ITIH5: variants seen among roughly 807,000 people sequenced by gnomAD.
ITIH5 encodes the protein inter-alpha-trypsin inhibitor heavy chain H5.
Under a neutral mutation model 77.5 loss-of-function variants are expected in ITIH5, and 65 were observed. That is an observed-to-expected ratio of 0.84 (90% confidence interval 0.69 to 1.03). The LOEUF is 1.03. Among genes scored for constraint, ITIH5 ranks in the 50% least tolerant of loss-of-function variants. The pLI is 0.00. For synonymous variants in ITIH5, 525 were observed against 494.3 expected (o/e 1.06, Z -0.82); for missense variants, 1,208 against 1,213.1 (o/e 1.00, Z 0.06).
chr10:7,578,450 C>T (rs1008672103), intron 9 of ITIH5: 2 of 166,484 alleles, frequency 1.2e-5, no homozygotes, highest in African/African-American at 4.8e-5. Flanking sequence ...TTCTGAATGC[C>T]TTATTGAATT....
chr10:7,659,842 A>G (rs1834246800), intron 1 of ITIH5, among the ~76,000 whole-genome samples: 1 of 152,192 alleles, frequency 6.6e-6, no homozygotes, highest in Non-Finnish European at 1.5e-5. Context: ...TAGGATTGGA[A>G]GTGCAAATGA....
intron 12 of ITIH5, 91 bp from the exon 13 acceptor site, chr10:7,566,498 C>T (rs942463007): frequency 2.1e-5 from 28 of 1,317,370 alleles, no homozygotes; most frequent in Non-Finnish European, 2.8e-5. Context: ...AAGGCCAGGG[C>T]AGGTGGATTG....
chr10:7,566,373 G>T lies in ITIH5; in HGVS notation c.2184C>A (p.Pro728=). Residue 728 remains proline (P), a synonymous_variant, in exon 13 of 14, where the codon CCC becomes CCA. Transcript: ENST00000397146. The part of the protein sequence containing the change: ...VTVNGELIGA[P]APPNGHKKQR... Reference sequence around the variant, plus strand: ...GTTTCTTGTGGCCATTTGGAGGGGCGGGTGCCCCAATTAACTCTCCGTTCA... The same window carrying T: ...GTTTCTTGTGGCCATTTGGAGGGGCTGGTGCCCCAATTAACTCTCCGTTCA... 1 of 1,603,290 alleles carries T rather than the reference G, an allele frequency of 6.2e-7. No individual in the cohort carries two copies. The highest frequency in any genetic ancestry group is 8.5e-7 in the Non-Finnish European group (1 of 1,171,036).
chr10:7,560,407 A>G lies in ITIH5; in HGVS notation c.*2676T>C, dbSNP rs1832019471. ...TTAAATGTTGAATGTTACTCCCTAG[A>G]GAAACACAGAGGTGCCCACTCCGAT... On this transcript the variant is annotated 3_prime_UTR_variant, in exon 14 of 14. Coordinates refer to ENST00000397146, the MANE Select transcript of ITIH5 (RefSeq NM_030569.7). 1 of 152,294 alleles carries G rather than the reference A, an allele frequency of 6.6e-6. No homozygotes were observed. Among genetic ancestry groups the G allele is most frequent in the Non-Finnish European group, 1.5e-5 (1 of 68,084 alleles). The allele number at this position is 152,294 out of a possible 1,614,324, so 9.4% of individuals were successfully genotyped here.
At chr10:7,644,322 C>T (rs935069872) in intron 2 of ITIH5, among the ~76,000 whole-genome samples, 27 of 147,004 alleles carry the variant, frequency 1.8e-4, no homozygotes, top group South Asian at 6.4e-4. Flanking sequence ...ATATATCATA[C>T]ATATCACATA....
chr10:7,580,831 T>C (rs1471606105), intron 8 of ITIH5, among the ~76,000 whole-genome samples: 2 of 152,180 alleles, frequency 1.3e-5, no homozygotes, highest in Non-Finnish European at 2.9e-5. Context: ...CTTCATCGTC[T>C]CTCCTTTCTT....
At chr10:7,660,204 A>G (rs1016917022) in intron 1 of ITIH5, among the ~76,000 whole-genome samples, 2 of 152,244 alleles carry the variant, frequency 1.3e-5, no homozygotes, top group Non-Finnish European at 2.9e-5. Flanking sequence ...ACGAAAGCAC[A>G]ATAGACAAAG....
chr10:7,581,721 C>CTTTTTTTT (rs142992412), intron 8 of ITIH5, among the ~76,000 whole-genome samples: 8 of 101,720 alleles, frequency 7.9e-5, no homozygotes, highest in African/African-American at 1.1e-4. Context: ...TCTTTTCCTT[C>CTTTTTTTT]TTTTTTTTTT....
chr10:7,649,985 G>C (rs905958071), intron 2 of ITIH5, among the ~76,000 whole-genome samples: 1 of 152,122 alleles, frequency 6.6e-6, no homozygotes, highest in African/African-American at 2.4e-5. Context: ...GAAAATAGTG[G>C]TAAAAAAAAT....
At chr10:7,602,666 T>C (rs1219199095) in intron 7 of ITIH5, among the ~76,000 whole-genome samples, 3 of 152,216 alleles carry the variant, frequency 2.0e-5, no homozygotes, top group Non-Finnish European at 4.4e-5. Context: ...CTTTCCTTCA[T>C]AAATTACTCA....
intron 7 of ITIH5, among the ~76,000 whole-genome samples, chr10:7,597,063 A>AAAAAAT (rs750714870): frequency 7.6e-4 from 108 of 142,576 alleles, no homozygotes; most frequent in Non-Finnish European, 9.8e-4. Flanking sequence ...AAAAAAAAAA[A>AAAAAAT]ATTCCACCAA....
chr10:7,613,975 C>A (rs528968999), intron 7 of ITIH5, among the ~76,000 whole-genome samples: 43 of 152,292 alleles, frequency 2.8e-4, no homozygotes, highest in African/African-American at 9.9e-4. Context: ...AAGCCCAAAC[C>A]TTCTCTAGAG....
chr10:7,585,825 C>CAA lies in ITIH5; in HGVS notation c.1108+74_1108+75dup, dbSNP rs878937206. 5,797 of 845,380 alleles carry CAA rather than the reference C, an allele frequency of 6.9e-3. 4 individuals are homozygous for CAA. Among genetic ancestry groups the CAA allele is most frequent in the African/African-American group, 0.022 (688 of 31,112 alleles). 52.4% of individuals were successfully genotyped at this position (845,380 alleles called of 1,614,324 possible). A position where few individuals can be genotyped will look rare whatever the true frequency, so the allele number is the denominator to read the frequency against. On this transcript the variant is annotated intron_variant, in intron 8 of 13. Coordinates refer to ENST00000397146, the MANE Select transcript of ITIH5 (RefSeq NM_030569.7). ...CAGCTTTCAAATCCTTATCTCTTGG[C>CAA]AAAAAAAAAAAAAAACCAAAAAAAA... is the stretch of plus-strand genomic sequence containing the variant.
At chr10:7,579,732 G>A in intron 9 of ITIH5, 23 bp downstream of exon 9, 2 of 1,604,578 alleles carry the variant, frequency 1.2e-6, no homozygotes, top group Non-Finnish European at 1.7e-6. Flanking sequence ...AGCCTCTCAT[G>A]CCTACGAAGA....
At chr10:7,635,300 C>G (rs760469833) in intron 5 of ITIH5, among the ~76,000 whole-genome samples, 5 of 152,110 alleles carry the variant, frequency 3.3e-5, no homozygotes, top group Admixed American at 1.3e-4. Context: ...TGCGGCCAAC[C>G]CTTTACATAC....
chr10:7,577,833 C>T (rs1832456500), intron 9 of ITIH5, among the ~76,000 whole-genome samples: 1 of 152,164 alleles, frequency 6.6e-6, no homozygotes, highest in Admixed American at 6.5e-5. Flanking sequence ...AGGATGTAAA[C>T]AGTACTTCTT....
intron 7 of ITIH5, among the ~76,000 whole-genome samples, chr10:7,586,609 C>T (rs1019103827): frequency 6.6e-6 from 1 of 152,122 alleles, no homozygotes; most frequent in Admixed American, 6.5e-5. Context: ...CCTTCATCTT[C>T]CTAACAGCTA....
chr10:7,637,210 C>G lies in ITIH5; in HGVS notation c.652+18G>C. On this transcript the variant is annotated intron_variant, in intron 5 of 13. Transcript: ENST00000397146. ...GTTTTCACCACAGATCTGCACGAACCCAGCACGCAGGACTCACCTTCCCCG... is the reference window on the plus strand; with the variant it reads ...GTTTTCACCACAGATCTGCACGAACGCAGCACGCAGGACTCACCTTCCCCG... The G allele has an allele frequency of 6.2e-7, 1 of 1,600,614 alleles. No homozygotes were observed. The highest frequency in any genetic ancestry group is 1.1e-5 in the South Asian group (1 of 90,702).
At chr10:7,644,310 A>C (rs1833935762) in intron 2 of ITIH5, among the ~76,000 whole-genome samples, 1 of 148,344 alleles carries the variant, frequency 6.7e-6, no homozygotes, top group Admixed American at 6.8e-5. Flanking sequence ...TACATATCAC[A>C]TATATATCAT....
Sources: gnomAD v4.1 joint callset for allele counts (sites outside exome capture counted in the v4.1 genomes callset) on GRCh38, gnomAD v4.1.1 for gene constraint, MANE v1.5 for transcripts, NCBI Gene and HGNC (gene_info 2026-07-23, HGNC 2026-07-21) for gene names.